Variants in SLC4A10 observed in about 807,000 individuals in gnomAD.
The protein encoded by SLC4A10 is solute carrier family 4 member 10.
Under a neutral mutation model 137.7 loss-of-function variants are expected in SLC4A10, and 42 were observed. The observed-to-expected ratio is 0.30, with a 90% confidence interval of 0.24 to 0.39. The LOEUF (loss-of-function observed/expected upper bound fraction) is 0.39. SLC4A10 is among the 10% of genes least tolerant of loss of function. SLC4A10 has a pLI of 1.00. For missense variants in SLC4A10, 925 were observed against 1,355.0 expected, an observed-to-expected ratio of 0.68 and a Z score of 4.98; for synonymous variants, 474 against 464.1, an observed-to-expected ratio of 1.02 and a Z score of -0.27.
chr2:161,969,514 A>G (rs1017425381), intron 23 of SLC4A10, among the ~76,000 whole-genome samples: 1 of 152,172 alleles, frequency 6.6e-6, no homozygotes, highest in Non-Finnish European at 1.5e-5. Flanking sequence ...AATATTCTCT[A>G]GGCCATTGTA....
intron 2 of SLC4A10, among the ~76,000 whole-genome samples, chr2:161,773,139 C>T (rs1457150028): frequency 6.6e-6 from 1 of 151,838 alleles, no homozygotes; most frequent in Non-Finnish European, 1.5e-5. Context: ...GGGAAGTCCA[C>T]GATTGGGAGG....
chr2:161,905,886 T>A lies in SLC4A10; in HGVS notation c.1996T>A (p.Ser666Thr). ...HNDLELLTQY[S>T]CNCVEPHNPS... ...TGATCTGGAACTGCTGACACAATAC[T>A]CGTAAGTACCATTTCCCCTGCTGGC... is the stretch of plus-strand genomic sequence containing the variant. The change falls in exon 15 of 27, where the codon TCG becomes ACG. Residue 666 changes from serine (S) to threonine (T), a missense_variant and splice_region_variant. By Grantham distance (58) the Ser-to-Thr change is moderately conservative (BLOSUM62 1). This residue lies in a region of SLC4A10 where 91 missense variants were observed against 95.6 expected (regional missense o/e 0.95). Coordinates refer to ENST00000446997, the MANE Select transcript of SLC4A10 (RefSeq NM_001178015.2). 1.3e-5 allele frequency: 21 copies of A among 1,597,908 alleles called. No homozygotes were observed. The highest frequency in any genetic ancestry group is 1.8e-5 in the Non-Finnish European group (21 of 1,171,134).
In SLC4A10 at chr2:161,752,846, A is replaced by T. The variant is rs60957185; in HGVS notation, c.49-18127A>T. ...TGGTGGACAGGAGGATAGATATATC[A>T]TGGTGACTGTACTTAATAACAATCT... is the stretch of plus-strand genomic sequence containing the variant. On this transcript the variant is annotated intron_variant, in intron 1 of 26. Transcript: ENST00000446997. Among the ~76,000 whole-genome samples, 21 of 152,214 alleles carry T rather than the reference A, an allele frequency of 1.4e-4. No homozygotes were observed. The South Asian group carries it at 2.7e-3, about 20-fold the overall frequency.
chr2:161,839,697 T>C, intron 3 of SLC4A10, 92 bp from the exon 4 acceptor site: 1 of 1,435,878 alleles, frequency 7.0e-7, no homozygotes, highest in Non-Finnish European at 9.6e-7. Context: ...TGGTGCGAGC[T>C]TGGGGTGGTG....
intron 2 of SLC4A10, among the ~76,000 whole-genome samples, chr2:161,785,543 T>C (rs2125500445): frequency 6.6e-6 from 1 of 151,916 alleles, no homozygotes; most frequent in East Asian, 1.9e-4. Context: ...TAGGAAGCAA[T>C]GGATACCCTG....
In SLC4A10 at chr2:161,754,676, T is replaced by G. The variant is rs185774029; in HGVS notation, c.49-16297T>G. ...CTGTCTTTGTTTTTCCTATCCCCCT[T>G]TTCTCCACATGATTAGGAATAAATT... On this transcript the variant is annotated intron_variant, in intron 1 of 26. Coordinates refer to ENST00000446997, the MANE Select transcript of SLC4A10 (RefSeq NM_001178015.2). 4.5e-3 allele frequency among the ~76,000 whole-genome samples: 690 copies of G among 152,282 alleles called. 6 individuals carry two copies. The highest frequency in any genetic ancestry group is 4.2e-3 in the Non-Finnish European group (288 of 68,008).
At chr2:161,723,769 C>T (rs1559112268) in intron 1 of SLC4A10, among the ~76,000 whole-genome samples, 2 of 152,112 alleles carry the variant, frequency 1.3e-5, no homozygotes, top group Non-Finnish European at 2.9e-5. Context: ...AGATAGAACC[C>T]AGGCTTGAAT....
intron 1 of SLC4A10, among the ~76,000 whole-genome samples, chr2:161,668,952 A>G (rs763992656): frequency 2.6e-5 from 4 of 151,922 alleles, no homozygotes; most frequent in Admixed American, 6.6e-5. Context: ...GTGTCATGCT[A>G]TCAAGTTCTA....
At chr2:161,876,504 C>T (rs2061456465) in intron 8 of SLC4A10, among the ~76,000 whole-genome samples, 1 of 151,932 alleles carries the variant, frequency 6.6e-6, no homozygotes, top group African/African-American at 2.4e-5. Context: ...CATGGTAAGA[C>T]CTCATCTCTA....
At chr2:161,662,615 T>A (rs1403846522) in intron 1 of SLC4A10, among the ~76,000 whole-genome samples, 1 of 152,216 alleles carries the variant, frequency 6.6e-6, no homozygotes, top group Admixed American at 6.5e-5. Context: ...GCCATGAGAA[T>A]GTCTGTATAT....
Position 161,844,316 on chromosome 2 carries a change from C to T in SLC4A10, c.416+4389C>T, listed in dbSNP as rs538324764. On this transcript the variant is annotated intron_variant, in intron 4 of 26. Transcript: ENST00000446997. ...TGGTTTAAGTCATCTGGATTTTTTA[C>T]GGGAAAATAATGTGGATTAAGAACA... Among the ~76,000 whole-genome samples the T allele has an allele frequency of 5.9e-5, 9 of 152,094 alleles. No individual in the cohort carries two copies. The South Asian group carries it at 8.3e-4, about 14-fold the overall frequency.
At chr2:161,951,391 A>G (rs1004621734) in intron 19 of SLC4A10, among the ~76,000 whole-genome samples, 9 of 152,212 alleles carry the variant, frequency 5.9e-5, no homozygotes, top group African/African-American at 2.2e-4. Context: ...TATAAAAAGA[A>G]TAACTATAGA....
At chr2:161,763,373 T>C (rs2050449821) in intron 1 of SLC4A10, among the ~76,000 whole-genome samples, 2 of 152,078 alleles carry the variant, frequency 1.3e-5, no homozygotes, top group Admixed American at 1.3e-4. Context: ...AAACACATGG[T>C]CACTCAAAAG....
chr2:161,730,038 C>T (rs16846073), intron 1 of SLC4A10, among the ~76,000 whole-genome samples: 10 of 152,134 alleles, frequency 6.6e-5, no homozygotes, highest in East Asian at 5.8e-4. Context: ...TAGATCCAAA[C>T]GCCTCAAATA....
At chr2:161,701,109 C>A (rs910176108) in intron 1 of SLC4A10, among the ~76,000 whole-genome samples, 1 of 151,964 alleles carries the variant, frequency 6.6e-6, no homozygotes. Flanking sequence ...TTTGAGAAAA[C>A]TGAGACAGAA....
chr2:161,888,425 G>A (rs982219117), intron 10 of SLC4A10, among the ~76,000 whole-genome samples: 28 of 152,146 alleles, frequency 1.8e-4, no homozygotes, highest in Non-Finnish European at 1.6e-4. Flanking sequence ...CTATCCATGA[G>A]CATGGAATGT....
At chr2:161,855,849 CAAA>C in intron 5 of SLC4A10, among the ~76,000 whole-genome samples, 1 of 151,726 alleles carries the variant, frequency 6.6e-6, no homozygotes, top group East Asian at 1.9e-4. Flanking sequence ...AAAACACAAA[CAAA>C]GAAAAGAGGC....
At chr2:161,721,809 C>A (rs1405290997) in intron 1 of SLC4A10, among the ~76,000 whole-genome samples, 1 of 152,206 alleles carries the variant, frequency 6.6e-6, no homozygotes, top group Non-Finnish European at 1.5e-5. Context: ...CTTTCCATCT[C>A]TTTCAGGTAC....
intron 3 of SLC4A10, among the ~76,000 whole-genome samples, chr2:161,819,772 G>A (rs1209894704): frequency 6.6e-6 from 1 of 152,154 alleles, no homozygotes; most frequent in Non-Finnish European, 1.5e-5. Flanking sequence ...GGGATTACAG[G>A]AATGAGCCAC....
Sources: gnomAD v4.1 joint callset for allele counts (sites outside exome capture counted in the v4.1 genomes callset) on GRCh38, gnomAD v4.1.1 for gene constraint, gnomAD v4.1.1 regional missense constraint, MANE v1.5 for transcripts, NCBI Gene and HGNC (gene_info 2026-07-23, HGNC 2026-07-21) for gene names.